PARD3B: variants seen among roughly 807,000 people sequenced by gnomAD.
PARD3B encodes par-3 family cell polarity regulator beta, also known as partitioning defective 3 homolog B.
PARD3B carries 103 observed loss-of-function variants against 130.2 expected under a neutral mutation model. That is an observed-to-expected ratio of 0.79 (90% CI 0.67 to 0.93). The LOEUF (loss-of-function observed/expected upper bound fraction) is 0.93. PARD3B is among the 40% of genes least tolerant of loss of function. The pLI is 0.00. For missense variants in PARD3B, 1,609 were observed against 1,499.2 expected (o/e 1.07, Z -1.21); for synonymous variants, 583 against 553.2 (o/e 1.05, Z -0.76).
intron 2 of PARD3B, among the ~76,000 whole-genome samples, chr2:204,749,285 T>G (rs2040367588): frequency 1.3e-5 from 2 of 152,180 alleles, no homozygotes; most frequent in Non-Finnish European, 2.9e-5. Context: ...TGACTTTATT[T>G]CCCAAGTATC....
chr2:205,060,751 G>C (rs547728634), intron 4 of PARD3B, among the ~76,000 whole-genome samples: 1 of 152,230 alleles, frequency 6.6e-6, no homozygotes, highest in Non-Finnish European at 1.5e-5. Context: ...TAATTAAAGG[G>C]AAATGATTTA....
In PARD3B at chr2:204,673,700, C is replaced by A. The variant is rs922959317; in HGVS notation, c.121-12481C>A. Among the ~76,000 whole-genome samples, 1 of 152,192 alleles carries A rather than the reference C, an allele frequency of 6.6e-6. No individual in the cohort carries two copies. The highest frequency in any genetic ancestry group is 1.5e-5 in the Non-Finnish European group (1 of 68,036). The stretch of plus-strand genomic sequence containing the variant: ...CAAACTGCCTGTACTCCCCATCCTC[C>A]TCATCCTACTGTATTTTATCTCTCA... On this transcript the variant is annotated intron_variant, in intron 1 of 22. Transcript: ENST00000406610. The surrounding 1 kb of genome is among the most constrained non-coding windows in gnomAD (Gnocchi z 4.7).
intron 2 of PARD3B, among the ~76,000 whole-genome samples, chr2:204,770,878 A>G (rs2041342162): frequency 6.6e-6 from 1 of 152,062 alleles, no homozygotes; most frequent in African/African-American, 2.4e-5. Flanking sequence ...TGTTTAGAAC[A>G]TTTTTAATCT....
chr2:205,254,673 T>A (rs1253447303), intron 16 of PARD3B, among the ~76,000 whole-genome samples: 3 of 151,086 alleles, frequency 2.0e-5, no homozygotes. Context: ...TATTTTATTT[T>A]TTTTTTTTGA....
chr2:205,552,470 G>A (rs756027085), intron 21 of PARD3B, among the ~76,000 whole-genome samples: 6 of 152,118 alleles, frequency 3.9e-5, no homozygotes, highest in Non-Finnish European at 5.9e-5. Flanking sequence ...GTGCAGTGGC[G>A]TGATGTGGGC....
intron 18 of PARD3B, among the ~76,000 whole-genome samples, chr2:205,318,064 AC>A (rs1389521632): frequency 2.6e-5 from 4 of 152,214 alleles, no homozygotes; most frequent in Non-Finnish European, 5.9e-5. Context: ...AATGGTTGCA[AC>A]TTTGATTGCA....
intron 3 of PARD3B, among the ~76,000 whole-genome samples, chr2:205,001,413 C>G (rs978673871): frequency 6.6e-6 from 1 of 152,144 alleles, no homozygotes; most frequent in Non-Finnish European, 1.5e-5. Flanking sequence ...AGGCTGAACC[C>G]CTGTATCTTG....
chr2:204,556,479 A>G (rs950568977), intron 1 of PARD3B, among the ~76,000 whole-genome samples: 4 of 152,230 alleles, frequency 2.6e-5, no homozygotes, highest in Non-Finnish European at 5.9e-5. Flanking sequence ...AATATAGACA[A>G]ATAATGCCCT....
At chr2:205,207,429 G>C (rs918090774) in intron 15 of PARD3B, among the ~76,000 whole-genome samples, 7 of 148,994 alleles carry the variant, frequency 4.7e-5, no homozygotes, top group African/African-American at 1.5e-4. Context: ...GAATCCAAGA[G>C]CTGGTTTTTT....
chr2:204,626,504 T>C (rs2034492071), intron 1 of PARD3B, among the ~76,000 whole-genome samples: 1 of 152,124 alleles, frequency 6.6e-6, no homozygotes, highest in African/African-American at 2.4e-5. Flanking sequence ...GACATAATTA[T>C]ACATTATTTG....
chr2:205,284,673 T>C (rs541354524), intron 16 of PARD3B, among the ~76,000 whole-genome samples: 73 of 152,330 alleles, frequency 4.8e-4, no homozygotes, highest in Middle Eastern at 3.4e-3. Context: ...TTTATTCTTT[T>C]AGTGTAACTG....
In PARD3B at chr2:205,463,438, TAAAA is replaced by T. The variant is rs35556760; in HGVS notation, c.3044+22784_3044+22787del. Among the ~76,000 whole-genome samples, 201 of 121,572 alleles carry T rather than the reference TAAAA, an allele frequency of 1.7e-3. 1 individual carries two copies. The highest frequency in any genetic ancestry group is 5.3e-3 in the African/African-American group (185 of 34,820). The allele number at this position is 121,572 out of a possible 152,430, so 79.8% of individuals were successfully genotyped here. On this transcript the variant is annotated intron_variant, in intron 20 of 22. Transcript: ENST00000406610. The surrounding 1 kb of genome is among the most constrained non-coding windows in gnomAD (Gnocchi z 4.8). ...AACATTTCACTGCACATTAATTCTT[TAAAA>T]AAAAAAAAAAAAAAAAACCTGTCAT...
intron 2 of PARD3B, among the ~76,000 whole-genome samples, chr2:204,782,646 C>T (rs2041879648): frequency 1.3e-5 from 2 of 151,524 alleles, no homozygotes; most frequent in African/African-American, 4.8e-5. Context: ...GCCATCCATC[C>T]ATTTGTAGGA....
At chr2:205,104,379 A>G (rs768277891) in intron 4 of PARD3B, 47 bp from the exon 5 acceptor site, 2 of 1,355,154 alleles carry the variant, frequency 1.5e-6, no homozygotes, top group South Asian at 1.2e-5. Context: ...CAGATTTTCA[A>G]TTCAATATGC....
At chr2:204,800,986 T>G (rs1004973993) in intron 2 of PARD3B, among the ~76,000 whole-genome samples, 1 of 152,202 alleles carries the variant, frequency 6.6e-6, no homozygotes, top group African/African-American at 2.4e-5. Context: ...CCCCATTTCT[T>G]GTTTTTATCA....
intron 22 of PARD3B, among the ~76,000 whole-genome samples, chr2:205,611,406 T>C (rs1252185724): frequency 6.6e-6 from 1 of 152,222 alleles, no homozygotes; most frequent in Non-Finnish European, 1.5e-5. Context: ...TAGTCTCTGA[T>C]TTCCAGCCCC....
chr2:204,935,146 C>CTTTTTTTTTTTTTTT, intron 2 of PARD3B, among the ~76,000 whole-genome samples: 1 of 138,666 alleles, frequency 7.2e-6, no homozygotes, highest in African/African-American at 2.6e-5. Flanking sequence ...GTTTTCCCTA[C>CTTTTTTTTTTTTTTT]TTTTTTTTTT....
intron 2 of PARD3B, among the ~76,000 whole-genome samples, chr2:204,945,515 G>A (rs188612851): frequency 5.1e-4 from 77 of 152,290 alleles, no homozygotes; most frequent in Non-Finnish European, 9.4e-4. Context: ...TGTGAAAAGG[G>A]CTATGTTATT....
At chr2:204,608,822 GT>G (rs2033823780) in intron 1 of PARD3B, among the ~76,000 whole-genome samples, 1 of 152,182 alleles carries the variant, frequency 6.6e-6, no homozygotes, top group South Asian at 2.1e-4. Context: ...TAGTCTTTAA[GT>G]TTCTCAGAGC....
Sources: gnomAD v4.1 joint callset for allele counts (sites outside exome capture counted in the v4.1 genomes callset) on GRCh38, gnomAD v4.1.1 for gene constraint, Gnocchi (gnomAD v3.1) non-coding constraint, MANE v1.5 for transcripts, NCBI Gene and HGNC (gene_info 2026-07-23, HGNC 2026-07-21) for gene names.